NCAM1: variants seen among roughly 807,000 people sequenced by gnomAD.
The protein encoded by NCAM1 is neural cell adhesion molecule 1.
In NCAM1, 14 loss-of-function variants were observed where a neutral mutation model predicts 109.8. The ratio of observed to expected loss-of-function variants is 0.13; its 90% CI spans 0.08 to 0.20. The LOEUF is 0.20. NCAM1 is among the 10% of genes least tolerant of loss of function. The pLI, the probability that NCAM1 is intolerant of heterozygous loss-of-function variation, is 1.00. For synonymous variants in NCAM1, 418 were observed against 442.9 expected (o/e 0.94, Z 0.70); for missense variants, 774 against 1,109.9 (o/e 0.70, Z 4.30).
At chr11:113,028,042 G>A in intron 1 of NCAM1, among the ~76,000 whole-genome samples, 1 of 152,184 alleles carries the variant, frequency 6.6e-6, no homozygotes, top group Admixed American at 6.5e-5. Context: ...AGAGGCTGGA[G>A]AGGGGAAAGG....
intron 1 of NCAM1, among the ~76,000 whole-genome samples, chr11:113,023,944 CAG>C (rs1204214791): frequency 6.6e-6 from 1 of 152,030 alleles, no homozygotes; most frequent in Non-Finnish European, 1.5e-5. Flanking sequence ...TGGTAAATCA[CAG>C]ACACAGGTTT....
chr11:113,165,739 A>G (rs1942771113), intron 1 of NCAM1, among the ~76,000 whole-genome samples: 1 of 151,886 alleles, frequency 6.6e-6, no homozygotes, highest in South Asian at 2.1e-4. Flanking sequence ...GCCCCAGTGT[A>G]GAGAAGACCA....
At chr11:113,076,416 A>G (rs1555086135) in intron 1 of NCAM1, among the ~76,000 whole-genome samples, 1 of 152,202 alleles carries the variant, frequency 6.6e-6, no homozygotes, top group African/African-American at 2.4e-5. Flanking sequence ...CTCTAGGCCA[A>G]TGGCAACACA....
chr11:113,192,623 A>T (rs1555110075), intron 1 of NCAM1, among the ~76,000 whole-genome samples: 1 of 152,182 alleles, frequency 6.6e-6, no homozygotes, highest in African/African-American at 2.4e-5. Context: ...TGCAGGTGAG[A>T]CCGGGACAGA....
At chr11:113,128,157 AC>A (rs1941251251) in intron 1 of NCAM1, among the ~76,000 whole-genome samples, 1 of 152,098 alleles carries the variant, frequency 6.6e-6, no homozygotes, top group South Asian at 2.1e-4. Flanking sequence ...TTTCTTTCCA[AC>A]AGCATCTAAT....
chr11:113,147,850 G>A (rs1354541837), intron 1 of NCAM1, among the ~76,000 whole-genome samples: 1 of 152,040 alleles, frequency 6.6e-6, no homozygotes, highest in African/African-American at 2.4e-5. Context: ...TCCACATTAC[G>A]CCATGAAAAA....
intron 1 of NCAM1, among the ~76,000 whole-genome samples, chr11:112,999,716 G>A (rs1951692835): frequency 6.6e-6 from 1 of 152,066 alleles, no homozygotes. Context: ...TCATTTCCAG[G>A]TAATCACATT....
intron 1 of NCAM1, among the ~76,000 whole-genome samples, chr11:113,034,143 CT>C (rs1426502703): frequency 6.6e-6 from 1 of 152,176 alleles, no homozygotes; most frequent in Non-Finnish European, 1.5e-5. Context: ...GAGGCCACAG[CT>C]TAACTCACTC....
At chr11:113,259,835 C>A (rs562418576) in intron 16 of NCAM1, among the ~76,000 whole-genome samples, 16 of 151,804 alleles carry the variant, frequency 1.1e-4, no homozygotes, top group Non-Finnish European at 2.2e-4. Context: ...TCCAGAGTAG[C>A]TGGGACTACA....
chr11:113,231,286 C>T (rs1405144220), intron 9 of NCAM1: 2 of 1,535,954 alleles, frequency 1.3e-6, no homozygotes, highest in East Asian at 4.9e-5. Context: ...AGGGCTGCTG[C>T]TGCTGCTGCT....
chr11:113,039,628 T>C (rs1953006674), intron 1 of NCAM1, among the ~76,000 whole-genome samples: 1 of 152,212 alleles, frequency 6.6e-6, no homozygotes, highest in South Asian at 2.1e-4. Context: ...TATTTCAGCG[T>C]CAGACCCTGG....
intron 1 of NCAM1, among the ~76,000 whole-genome samples, chr11:113,055,366 T>A (rs1172616354): frequency 6.6e-6 from 1 of 152,194 alleles, no homozygotes; most frequent in Non-Finnish European, 1.5e-5. Context: ...CTCAGAGGAA[T>A]GCAAAAGTAG....
Position 113,207,468 on chromosome 11 carries a change from A to T in NCAM1, c.746+90A>T, listed in dbSNP as rs1191912689. 13 of 1,028,600 alleles carry T rather than the reference A, an allele frequency of 1.3e-5. No individual in the cohort carries two copies. In the African/African-American group the frequency reaches 2.1e-4, roughly 16 times the overall value. 63.7% of individuals were successfully genotyped at this position (1,028,600 alleles called of 1,614,324 possible). On this transcript the variant is annotated intron_variant, in intron 6 of 19. Transcript: ENST00000316851. ...CCATGTTAGTGTCTGCGTGGAATGG[A>T]TGTGGGCTTCTTAGGAATATTAACC... is the stretch of plus-strand genomic sequence containing the variant.
intron 17 of NCAM1, among the ~76,000 whole-genome samples, chr11:113,262,661 T>G (rs1462619041): frequency 1.3e-5 from 2 of 152,216 alleles, no homozygotes; most frequent in Non-Finnish European, 2.9e-5. Flanking sequence ...TTGACCTAAT[T>G]TTTTTTCTTT....
chr11:113,057,582 G>C (rs1256951279), intron 1 of NCAM1, among the ~76,000 whole-genome samples: 1 of 151,976 alleles, frequency 6.6e-6, no homozygotes, highest in Non-Finnish European at 1.5e-5. Context: ...GTCTAAATTA[G>C]GACTACACTA....
chr11:113,152,134 C>T (rs2136278092), intron 1 of NCAM1, among the ~76,000 whole-genome samples: 1 of 152,314 alleles, frequency 6.6e-6, no homozygotes, highest in South Asian at 2.1e-4. Flanking sequence ...TTCAGGAAGG[C>T]ATCTCTCATG....
intron 15 of NCAM1, among the ~76,000 whole-genome samples, chr11:113,251,709 GC>G: frequency 6.6e-6 from 1 of 152,176 alleles, no homozygotes. Flanking sequence ...CCTGCCGATT[GC>G]TGCTGAATCG....
At chr11:113,148,597 G>A (rs1322810571) in intron 1 of NCAM1, among the ~76,000 whole-genome samples, 6 of 152,062 alleles carry the variant, frequency 3.9e-5, no homozygotes, top group African/African-American at 1.4e-4. Context: ...TTTTGTTAAC[G>A]TTAGGTAAGG....
chr11:113,246,375 A>T lies in NCAM1; in HGVS notation c.1828+5A>T. 1.3e-6 allele frequency: 1 copy of T among 742,022 alleles called. No homozygotes were observed. Among genetic ancestry groups the T allele is most frequent in the Non-Finnish European group, 2.5e-6 (1 of 405,632 alleles). 46.0% of individuals were successfully genotyped at this position (742,022 alleles called of 1,614,324 possible). On this transcript the variant is annotated splice_donor_5th_base_variant and intron_variant, in intron 15 of 19. Transcript: ENST00000316851. ...GTCCACGCTGGTGAACAGAAGGTAA[A>T]ACTCTTTGTTCTGATTAGTGAAATA...
Sources: gnomAD v4.1 joint callset for allele counts (sites outside exome capture counted in the v4.1 genomes callset) on GRCh38, gnomAD v4.1.1 for gene constraint, MANE v1.5 for transcripts, NCBI Gene and HGNC (gene_info 2026-07-23, HGNC 2026-07-21) for gene names.